ADAM10: variants seen among roughly 807,000 people sequenced by gnomAD.
ADAM10 encodes disintegrin and metalloproteinase domain-containing protein 10.
Under a neutral mutation model 90.1 loss-of-function variants are expected in ADAM10, and 17 were observed. That is an observed-to-expected ratio of 0.19 (90% CI 0.13 to 0.28). ADAM10 has a LOEUF of 0.28. Among genes scored for constraint, ADAM10 ranks in the 10% least tolerant of loss-of-function variants. ADAM10 has a pLI of 1.00. For missense variants in ADAM10, 610 were observed against 914.3 expected (o/e 0.67, Z 4.29); for synonymous variants, 310 against 298.6 (o/e 1.04, Z -0.40).
chr15:58,624,019 T>TCA (rs1323288410), intron 10 of ADAM10, among the ~76,000 whole-genome samples: 1 of 146,768 alleles, frequency 6.8e-6, no homozygotes, highest in African/African-American at 2.6e-5. Flanking sequence ...GCGAGGTGGC[T>TCA]CACGCCTGTA....
chr15:58,743,418 T>G (rs1899678237), intron 1 of ADAM10, among the ~76,000 whole-genome samples: 1 of 152,080 alleles, frequency 6.6e-6, no homozygotes, highest in South Asian at 2.1e-4. Context: ...TGCCCCAACT[T>G]TAGCAAATTT....
intron 2 of ADAM10, among the ~76,000 whole-genome samples, chr15:58,694,824 T>A (rs1250751367): frequency 6.6e-6 from 1 of 151,654 alleles, no homozygotes; most frequent in Admixed American, 6.6e-5. Flanking sequence ...ATTCCATTGA[T>A]ATGTAATTCT....
At chr15:58,608,803 AT>A (rs1895352136) in intron 14 of ADAM10, among the ~76,000 whole-genome samples, 1 of 152,220 alleles carries the variant, frequency 6.6e-6, no homozygotes, top group Non-Finnish European at 1.5e-5. Context: ...ATTCTAAATA[AT>A]GTAATGAGTG....
At chr15:58,615,568 A>G (rs1436369506) in intron 11 of ADAM10, among the ~76,000 whole-genome samples, 1 of 152,180 alleles carries the variant, frequency 6.6e-6, no homozygotes, top group Non-Finnish European at 1.5e-5. Context: ...ATCCACCTAT[A>G]TGCTGCTTAC....
chr15:58,657,888 GTTT>G (rs199921945), intron 5 of ADAM10, among the ~76,000 whole-genome samples: 1 of 141,476 alleles, frequency 7.1e-6, no homozygotes, highest in South Asian at 2.2e-4. Flanking sequence ...TGGGGTTTGT[GTTT>G]TTTTTTTTTT....
intron 1 of ADAM10, among the ~76,000 whole-genome samples, chr15:58,719,463 T>C (rs1386422046): frequency 1.3e-5 from 2 of 149,468 alleles, no homozygotes; most frequent in Non-Finnish European, 3.0e-5. Context: ...TCAAGTAAAA[T>C]TTTTAACTAA....
intron 10 of ADAM10, among the ~76,000 whole-genome samples, chr15:58,623,982 T>TTA (rs1895862217): frequency 7.3e-6 from 1 of 137,352 alleles, no homozygotes; most frequent in African/African-American, 2.7e-5. Flanking sequence ...AAGTGAAATT[T>TTA]AAAAAAAAAA....
chr15:58,655,685 TATTATATATAGTATATA>T, intron 5 of ADAM10, among the ~76,000 whole-genome samples: 24 of 93,006 alleles, frequency 2.6e-4, no homozygotes, highest in African/African-American at 7.1e-4. Flanking sequence ...TACATATATA[TATTATATATAGTATATA>T]TATATATAGT....
intron 2 of ADAM10, among the ~76,000 whole-genome samples, chr15:58,698,589 AAAGAT>A (rs1264017788): frequency 2.6e-5 from 4 of 151,626 alleles, no homozygotes; most frequent in Admixed American, 2.6e-4. Flanking sequence ...AAAAAAAAAA[AAAGAT>A]AGACAGATAT....
intron 2 of ADAM10, among the ~76,000 whole-genome samples, chr15:58,712,744 T>C (rs991515367): frequency 2.0e-5 from 3 of 151,982 alleles, no homozygotes; most frequent in Admixed American, 6.5e-5. Flanking sequence ...GACAATGGCA[T>C]GAACCCAGGA....
At chr15:58,689,073 A>C (rs559878988) in intron 2 of ADAM10, among the ~76,000 whole-genome samples, 1 of 152,310 alleles carries the variant, frequency 6.6e-6, no homozygotes, top group Admixed American at 6.5e-5. Flanking sequence ...AGATACACAC[A>C]AAGAAAAACC....
At chr15:58,617,248 G>A (rs112418119) in intron 11 of ADAM10, among the ~76,000 whole-genome samples, 6 of 152,034 alleles carry the variant, frequency 3.9e-5, no homozygotes, top group African/African-American at 1.4e-4. Flanking sequence ...AAAAGGAGAC[G>A]TTATAACTGA....
Position 58,599,607 on chromosome 15 carries a change from G to A in ADAM10, c.2143C>T (p.Pro715Ser). ...SSNPKLPPPK[P>S]LPGTLKRRRP... Reference sequence around the variant, plus strand: ...GCTCAAATATTCTTACCTGGAAGTGGTTTAGGAGGAGGCAACTTTGGATTA... The same window carrying A: ...GCTCAAATATTCTTACCTGGAAGTGATTTAGGAGGAGGCAACTTTGGATTA... The change falls in exon 15 of 16, where the codon CCA becomes TCA. Residue 715 changes from proline to serine, a missense_variant. Pro to Ser is a moderately conservative substitution (Grantham distance 74). Around this residue, in one of 4 missense-constraint regions of ADAM10, gnomAD observed 150 missense variants for 268.5 expected, o/e 0.56. Coordinates refer to ENST00000260408, the MANE Select transcript of ADAM10 (RefSeq NM_001110.4). 1 of 1,613,288 alleles carries A rather than the reference G, an allele frequency of 6.2e-7. No homozygotes were observed. The highest frequency in any genetic ancestry group is 1.7e-4 in the Middle Eastern group (1 of 6,056).
At chr15:58,655,631 T>C (rs1250274352) in intron 5 of ADAM10, among the ~76,000 whole-genome samples, 2 of 136,990 alleles carry the variant, frequency 1.5e-5, no homozygotes, top group Non-Finnish European at 3.0e-5. Flanking sequence ...TGTTAAATCC[T>C]CTTGCTGAAC....
chr15:58,612,033 T>G (rs202221661), intron 11 of ADAM10, 42 bp from the exon 12 acceptor site: 1 of 1,542,502 alleles, frequency 6.5e-7, no homozygotes, highest in South Asian at 1.1e-5. Flanking sequence ...AAATCACTAG[T>G]TATTCCCTAT....
intron 4 of ADAM10, among the ~76,000 whole-genome samples, chr15:58,668,475 G>A (rs900707080): frequency 1.3e-5 from 2 of 152,082 alleles, no homozygotes; most frequent in Non-Finnish European, 2.9e-5. Context: ...TGTGACAACT[G>A]AAAAGAAATA....
intron 5 of ADAM10, among the ~76,000 whole-genome samples, chr15:58,649,349 C>A (rs1158805563): frequency 6.6e-6 from 1 of 152,104 alleles, no homozygotes; most frequent in African/African-American, 2.4e-5. Flanking sequence ...ACATACACAA[C>A]ATACAAATAT....
Position 58,592,374 on chromosome 15 carries a change from A to T in ADAM10, c.*5173T>A, listed in dbSNP as rs1320765036. 2.6e-5 allele frequency: 4 copies of T among 152,176 alleles called. No individual in the cohort carries two copies. The highest frequency in any genetic ancestry group is 4.8e-5 in the African/African-American group (2 of 41,440). 9.4% of individuals were successfully genotyped at this position (152,176 alleles called of 1,614,324 possible). A position where few individuals can be genotyped will look rare whatever the true frequency, so the allele number is the denominator to read the frequency against. On this transcript the variant is annotated 3_prime_UTR_variant, in exon 16 of 16. Transcript: ENST00000260408. The stretch of plus-strand genomic sequence containing the variant: ...TTCTGTCCACTACCATCATTAACTC[A>T]CAGAGTTAAATACAATACTATGAGT...
chr15:58,605,294 A>G (rs899234580), intron 14 of ADAM10, among the ~76,000 whole-genome samples: 3 of 152,212 alleles, frequency 2.0e-5, no homozygotes, highest in Non-Finnish European at 2.9e-5. Flanking sequence ...CACAAGCCCA[A>G]TGCTTGAGAT....
Sources: gnomAD v4.1 joint callset for allele counts (sites outside exome capture counted in the v4.1 genomes callset) on GRCh38, gnomAD v4.1.1 for gene constraint, gnomAD v4.1.1 regional missense constraint, MANE v1.5 for transcripts, NCBI Gene and HGNC (gene_info 2026-07-23, HGNC 2026-07-21) for gene names.